Variants in PARVB observed in about 807,000 individuals in gnomAD.
PARVB encodes beta-parvin.
A neutral mutation model predicts 47.0 loss-of-function variants in PARVB; 46 were observed. The ratio of observed to expected loss-of-function variants is 0.98; its 90% confidence interval spans 0.77 to 1.25. PARVB has a LOEUF of 1.25. PARVB is among the 50% of genes most tolerant of loss of function. The pLI, the probability that PARVB is intolerant of heterozygous loss-of-function variation, is 0.00. For synonymous variants in PARVB, 196 were observed against 196.3 expected, an observed-to-expected ratio of 1.00 and a Z score of 0.01; for missense variants, 473 against 471.6, an observed-to-expected ratio of 1.00 and a Z score of -0.03.
chr22:44,040,335 A>G (rs972530499), intron 1 of PARVB, among the ~76,000 whole-genome samples: 11 of 152,214 alleles, frequency 7.2e-5, no homozygotes, highest in Non-Finnish European at 1.5e-4. Flanking sequence ...ACTGAATAGT[A>G]GTACCAAAAA....
chr22:44,085,371 G>A (rs779243588), intron 1 of PARVB, among the ~76,000 whole-genome samples: 15 of 152,056 alleles, frequency 9.9e-5, no homozygotes, highest in Non-Finnish European at 1.9e-4. Context: ...GTGCAGTGGC[G>A]TGATCTTGGC....
At chr22:44,010,890 T>A (rs897802137) in intron 2 of PARVB, among the ~76,000 whole-genome samples, 2 of 130,020 alleles carry the variant, frequency 1.5e-5, no homozygotes, top group African/African-American at 6.6e-5. Flanking sequence ...ACCATGCCTA[T>A]TTTTTTTTTT....
rs371615280 is a variant in PARVB at position 44,147,898 on chromosome 22, G to T, written c.750G>T (p.Pro250=). 9.3e-6 allele frequency: 15 copies of T among 1,613,866 alleles called. No individual in the cohort carries two copies. Among genetic ancestry groups the T allele is most frequent in the Middle Eastern group, 1.6e-4 (1 of 6,084 alleles). Residue 250 remains proline (P), a synonymous_variant, in exon 9 of 13, where the codon CCG becomes CCT. Coordinates refer to ENST00000338758, the MANE Select transcript of PARVB (RefSeq NM_013327.5). ...DAFDTLFDHA[P]DKLSVVKKSL... ...TCGACACGCTGTTCGACCACGCCCC[G>T]GATAAGCTCAGCGTGGTGAAGAAGG...
In PARVB at chr22:44,055,347, C is replaced by CT. The variant is rs1051208654; in HGVS notation, c.112+30907dup. Among the ~76,000 whole-genome samples the CT allele has an allele frequency of 1.6e-3, 235 of 146,378 alleles. 1 individual carries two copies. The highest frequency in any genetic ancestry group is 4.9e-3 in the African/African-American group (196 of 40,202). On this transcript the variant is annotated intron_variant, in intron 1 of 12. Transcript: ENST00000338758. Reference sequence around the variant, plus strand: ...GGGAGATATGTAGCTCTCTCTGTCTCTTTTTTTTTTTGAGACAGAGTCTCA... The same window carrying CT: ...GGGAGATATGTAGCTCTCTCTGTCTCTTTTTTTTTTTTGAGACAGAGTCTCA...
chr22:44,041,236 A>T (rs538274931), intron 1 of PARVB, among the ~76,000 whole-genome samples: 1 of 151,822 alleles, frequency 6.6e-6, no homozygotes, highest in Non-Finnish European at 1.5e-5. Context: ...CCATGCCTGT[A>T]ATCTCAGCAC....
intron 1 of PARVB, chr22:44,086,833 G>T (rs1438717883): frequency 1.0e-6 from 1 of 985,246 alleles, no homozygotes; most frequent in Non-Finnish European, 1.2e-6. Flanking sequence ...ACGGATGGAA[G>T]TTGGAAAATT....
At chr22:44,041,815 G>A (rs2051024140) in intron 1 of PARVB, among the ~76,000 whole-genome samples, 1 of 152,172 alleles carries the variant, frequency 6.6e-6, no homozygotes, top group African/African-American at 2.4e-5. Flanking sequence ...AGCATGGAAG[G>A]CTGAGGCTGC....
At position 44,089,997 on chromosome 22, in the gene PARVB, C is replaced by T. The variant is rs977726967; in HGVS notation, c.113-3931C>T. On this transcript the variant is annotated intron_variant, in intron 1 of 12. Coordinates refer to ENST00000338758, the MANE Select transcript of PARVB (RefSeq NM_013327.5). The surrounding 1 kb of genome is among the most constrained non-coding windows in gnomAD (Gnocchi z 4.0). The stretch of plus-strand genomic sequence containing the variant: ...GTCACTCTTCCTCCAGTCTGTGTCT[C>T]TCTTGGAGCCTAATCACAGAGACCC... Among the ~76,000 whole-genome samples the T allele has an allele frequency of 2.0e-5, 3 of 152,246 alleles. No individual in the cohort carries two copies. The highest frequency in any genetic ancestry group is 2.9e-5 in the Non-Finnish European group (2 of 68,052).
intron 1 of PARVB, among the ~76,000 whole-genome samples, chr22:44,079,119 C>T (rs1468936390): frequency 1.3e-5 from 2 of 152,216 alleles, no homozygotes; most frequent in East Asian, 1.9e-4. Context: ...GAGCACTCAA[C>T]GTTTCCCGCA....
chr22:44,053,472 G>A (rs949119353), intron 1 of PARVB, among the ~76,000 whole-genome samples: 8 of 152,186 alleles, frequency 5.3e-5, no homozygotes, highest in Admixed American at 2.0e-4. Flanking sequence ...GCCCTGAATG[G>A]GTGTTAGGGC....
chr22:44,055,678 C>CTCTCTCTATATATATATATATATATA (rs1438284048), intron 1 of PARVB, among the ~76,000 whole-genome samples: 1 of 142,680 alleles, frequency 7.0e-6, no homozygotes, highest in African/African-American at 2.6e-5. Context: ...CTCTCTCTCT[C>CTCTCTCTATATATATATATATATATA]TATATATATA....
intron 1 of PARVB, among the ~76,000 whole-genome samples, chr22:44,048,420 G>T (rs987143244): frequency 7.9e-5 from 12 of 152,052 alleles, no homozygotes; most frequent in Non-Finnish European, 1.5e-4. Context: ...CGCCCAGGCT[G>T]GAGTGCAGTG....
chr22:44,047,667 A>T (rs1174980504), intron 1 of PARVB, among the ~76,000 whole-genome samples: 1 of 152,166 alleles, frequency 6.6e-6, no homozygotes, highest in African/African-American at 2.4e-5. Context: ...TCTAAAAAAA[A>T]TAAAAAATAA....
chr22:44,020,854 C>T (rs559689150), upstream of PARVB, among the ~76,000 whole-genome samples: 58 of 151,934 alleles, frequency 3.8e-4, no homozygotes, highest in Non-Finnish European at 7.5e-4. Context: ...GATCTCGGCT[C>T]ACTGCAACCT....
At chr22:44,051,001 G>A (rs1054432715) in intron 1 of PARVB, among the ~76,000 whole-genome samples, 2 of 152,194 alleles carry the variant, frequency 1.3e-5, no homozygotes, top group African/African-American at 4.8e-5. Flanking sequence ...TCAGGCACTG[G>A]GCGCCTAGCT....
At chr22:44,058,888 A>G (rs534189156) in intron 1 of PARVB, among the ~76,000 whole-genome samples, 1 of 151,714 alleles carries the variant, frequency 6.6e-6, no homozygotes, top group African/African-American at 2.4e-5. Context: ...CATTCAACCC[A>G]CAGTACCTGG....
At chr22:44,161,919 G>A (rs1338631753) in intron 11 of PARVB, among the ~76,000 whole-genome samples, 7 of 152,152 alleles carry the variant, frequency 4.6e-5, no homozygotes, top group Admixed American at 4.6e-4. Context: ...GTCCTGCAGG[G>A]TTGGGGTGTC....
At chr22:44,108,721 T>A (rs1601612676) in intron 3 of PARVB, 1 of 152,016 alleles carries the variant, frequency 6.6e-6, no homozygotes, top group South Asian at 2.1e-4. Context: ...AGAACCTTCT[T>A]AAGGGTGGGG....
At chr22:44,027,758 C>T (rs1306640298) in intron 1 of PARVB, among the ~76,000 whole-genome samples, 1 of 151,844 alleles carries the variant, frequency 6.6e-6, no homozygotes, top group Non-Finnish European at 1.5e-5. Flanking sequence ...ATTAGCCGGG[C>T]ATGGTGGCGT....
Sources: gnomAD v4.1 joint callset for allele counts (sites outside exome capture counted in the v4.1 genomes callset) on GRCh38, gnomAD v4.1.1 for gene constraint, Gnocchi (gnomAD v3.1) non-coding constraint, MANE v1.5 for transcripts, NCBI Gene and HGNC (gene_info 2026-07-23, HGNC 2026-07-21) for gene names.